The following RALGPS2 variants were observed in gnomAD, a reference collection of about 807,000 sequenced individuals.
RALGPS2 encodes ras-specific guanine nucleotide-releasing factor RalGPS2.
Under a neutral mutation model 86.8 loss-of-function variants are expected in RALGPS2, and 43 were observed. That is an observed-to-expected ratio of 0.50 (90% CI 0.39 to 0.64). RALGPS2 has a LOEUF of 0.64. Ranked by LOEUF, RALGPS2 falls within the 30% of genes least tolerant of loss-of-function variation. RALGPS2 has a pLI of 0.00. For missense variants in RALGPS2, 536 were observed against 694.6 expected, an observed-to-expected ratio of 0.77 and a Z score of 2.57; for synonymous variants, 243 against 231.3, an observed-to-expected ratio of 1.05 and a Z score of -0.46.
intron 1 of RALGPS2, among the ~76,000 whole-genome samples, chr1:178,742,006 C>T (rs1651057328): frequency 6.6e-6 from 1 of 151,768 alleles, no homozygotes; most frequent in South Asian, 2.1e-4. Flanking sequence ...CATGGTGACG[C>T]ACGCCTGTAG....
chr1:178,910,360 C>G (rs138377214), intron 19 of RALGPS2, among the ~76,000 whole-genome samples: 180 of 152,252 alleles, frequency 1.2e-3, no homozygotes, highest in African/African-American at 3.9e-3. Context: ...GGGAATACTT[C>G]CAACTTTTGC....
At chr1:178,847,038 A>G (rs1013924000) in intron 8 of RALGPS2, among the ~76,000 whole-genome samples, 2 of 152,244 alleles carry the variant, frequency 1.3e-5, no homozygotes, top group African/African-American at 4.8e-5. Context: ...AGCATTATGG[A>G]TTACATTAAA....
intron 7 of RALGPS2, among the ~76,000 whole-genome samples, chr1:178,830,576 T>C (rs1341832122): frequency 6.6e-6 from 1 of 152,178 alleles, no homozygotes; most frequent in Non-Finnish European, 1.5e-5. Flanking sequence ...CAAAAATCCT[T>C]GTGAGATGAC....
chr1:178,858,159 T>C (rs930830694), intron 8 of RALGPS2, among the ~76,000 whole-genome samples: 5 of 152,132 alleles, frequency 3.3e-5, no homozygotes, highest in African/African-American at 1.2e-4. Context: ...ATATTAGATA[T>C]CAGAATTCAA....
At chr1:178,757,408 A>G (rs529009950) in intron 1 of RALGPS2, among the ~76,000 whole-genome samples, 1 of 152,288 alleles carries the variant, frequency 6.6e-6, no homozygotes, top group East Asian at 1.9e-4. Context: ...TTGCCTGTTC[A>G]GTATGATTGG....
intron 1 of RALGPS2, among the ~76,000 whole-genome samples, chr1:178,741,870 G>T (rs958287605): frequency 1.3e-5 from 2 of 151,968 alleles, no homozygotes; most frequent in Non-Finnish European, 2.9e-5. Flanking sequence ...GGGCATGGTG[G>T]CTCACGCCTG....
Position 178,900,402 on chromosome 1 carries a change from A to G in RALGPS2, c.1525-1704A>G, listed in dbSNP as rs543029103. 2.6e-5 allele frequency among the ~76,000 whole-genome samples: 4 copies of G among 152,054 alleles called. No homozygotes were observed. In the South Asian group the frequency reaches 6.2e-4, roughly 24 times the overall value. On this transcript the variant is annotated intron_variant, in intron 17 of 19. Coordinates refer to ENST00000367635, the MANE Select transcript of RALGPS2 (RefSeq NM_152663.5). ...CTGCCATTAGACAAAAATTTAAAAG[A>G]TTGATGACATAGCATTGGTCATGAT... is the stretch of plus-strand genomic sequence containing the variant.
chr1:178,880,400 T>C (rs1659195285), intron 10 of RALGPS2, among the ~76,000 whole-genome samples: 1 of 152,196 alleles, frequency 6.6e-6, no homozygotes, highest in African/African-American at 2.4e-5. Context: ...CACACCATAA[T>C]AGCAACACTG....
chr1:178,784,319 C>T lies in RALGPS2; in HGVS notation c.58-99C>T, dbSNP rs1653543962. 9.0e-6 allele frequency: 7 copies of T among 775,942 alleles called. No homozygotes were observed. In the South Asian group the frequency reaches 1.7e-4, roughly 19 times the overall value. The allele number at this position is 775,942 out of a possible 1,614,324, so 48.1% of individuals were successfully genotyped here. A position where few individuals can be genotyped will look rare whatever the true frequency, so the allele number is the denominator to read the frequency against. On this transcript the variant is annotated intron_variant, in intron 2 of 19. Transcript: ENST00000367635. The stretch of plus-strand genomic sequence containing the variant: ...TCAGCTTTTCTGCAGCATTTGTTAA[C>T]CTACTGTTTTGTTTTCTCAGTTTTT...
intron 6 of RALGPS2, among the ~76,000 whole-genome samples, chr1:178,817,768 TTTTC>T (rs1181662346): frequency 6.6e-6 from 1 of 152,238 alleles, no homozygotes; most frequent in Admixed American, 6.5e-5. Flanking sequence ...TCTGTTTAAG[TTTTC>T]TTTAATTTCT....
intron 8 of RALGPS2, among the ~76,000 whole-genome samples, chr1:178,869,851 A>G (rs1658640775): frequency 6.6e-6 from 1 of 152,084 alleles, no homozygotes; most frequent in Non-Finnish European, 1.5e-5. Flanking sequence ...TTTATCTTTA[A>G]TAGTTTTTAT....
intron 13 of RALGPS2, among the ~76,000 whole-genome samples, chr1:178,888,392 A>T (rs1659580182): frequency 6.6e-6 from 1 of 152,186 alleles, no homozygotes. Context: ...AGGCTTTGAA[A>T]ATACTGTGGG....
At chr1:178,786,536 T>C (rs1449245467) in intron 4 of RALGPS2, among the ~76,000 whole-genome samples, 4 of 151,968 alleles carry the variant, frequency 2.6e-5, no homozygotes, top group Admixed American at 2.6e-4. Flanking sequence ...AGTGTTCCTA[T>C]CATTTTAACA....
intron 6 of RALGPS2, among the ~76,000 whole-genome samples, chr1:178,817,731 A>G (rs1655304802): frequency 6.6e-6 from 1 of 152,204 alleles, no homozygotes; most frequent in South Asian, 2.1e-4. Flanking sequence ...CAACATTAAG[A>G]CTTTCAATCC....
At chr1:178,866,667 G>T (rs1285443655) in intron 8 of RALGPS2, among the ~76,000 whole-genome samples, 1 of 152,086 alleles carries the variant, frequency 6.6e-6, no homozygotes, top group Non-Finnish European at 1.5e-5. Flanking sequence ...ATGCCTTAGA[G>T]ACCCTGTCAT....
chr1:178,849,790 G>T (rs1490894597), intron 8 of RALGPS2: 1 of 152,228 alleles, frequency 6.6e-6, no homozygotes, highest in Non-Finnish European at 1.5e-5. Flanking sequence ...CATGTTGATG[G>T]ATTTGAGTTG....
Position 178,920,406 on chromosome 1 carries a change from C to T in RALGPS2, c.*4047C>T, listed in dbSNP as rs1211763013. On this transcript the variant is annotated 3_prime_UTR_variant, in exon 20 of 20. Transcript: ENST00000367635. ...TATTTGAAGAGCAATTTTAGGGCAT[C>T]AAGTATGACAATAATCATGTGCCCT... The T allele has an allele frequency of 6.6e-6, 1 of 151,980 alleles. No homozygotes were observed. The highest frequency in any genetic ancestry group is 1.5e-5 in the Non-Finnish European group (1 of 67,880). The allele number at this position is 151,980 out of a possible 1,614,324, so 9.4% of individuals were successfully genotyped here.
chr1:178,758,532 AC>A (rs201488779), intron 1 of RALGPS2, among the ~76,000 whole-genome samples: 1,811 of 150,518 alleles, frequency 0.012, 54 homozygotes, highest in African/African-American at 0.042. Context: ...GTCACTTCCT[AC>A]CCCCCCTGCC....
intron 6 of RALGPS2, among the ~76,000 whole-genome samples, chr1:178,812,108 T>A (rs2102203858): frequency 6.6e-6 from 1 of 152,230 alleles, no homozygotes; most frequent in South Asian, 2.1e-4. Context: ...ATTTATTACA[T>A]GTGCATAGGA....
Sources: allele counts gnomAD v4.1 joint callset (sites outside exome capture counted in the v4.1 genomes callset), GRCh38; gene constraint gnomAD v4.1.1; transcripts MANE v1.5; gene names NCBI Gene and HGNC (gene_info 2026-07-23, HGNC 2026-07-21).